PHTF2: variants seen among roughly 807,000 people sequenced by gnomAD.
PHTF2 encodes putative homeodomain transcription factor 2, also known as protein PHTF2.
Under a neutral mutation model 101.2 loss-of-function variants are expected in PHTF2, and 60 were observed. That is an observed-to-expected ratio of 0.59 (90% CI 0.48 to 0.73). The LOEUF (loss-of-function observed/expected upper bound fraction) is 0.73. Ranked by LOEUF, PHTF2 falls within the 30% of genes least tolerant of loss-of-function variation. The pLI, the probability that PHTF2 is intolerant of heterozygous loss-of-function variation, is 0.00. For synonymous variants in PHTF2, 311 were observed against 307.3 expected (o/e 1.01, Z -0.13); for missense variants, 747 against 908.7 (o/e 0.82, Z 2.29).
At chr7:77,855,157 A>G (rs951061773) in intron 3 of PHTF2, among the ~76,000 whole-genome samples, 2 of 151,860 alleles carry the variant, frequency 1.3e-5, no homozygotes, top group Non-Finnish European at 1.5e-5. Flanking sequence ...TGTATTCAAG[A>G]CCCAAGGGGT....
chr7:77,949,529 A>G (rs2150994056), intron 16 of PHTF2, 149 bp from the exon 16 acceptor site: 1 of 555,450 alleles, frequency 1.8e-6, no homozygotes. Flanking sequence ...TATACTCTAT[A>G]CTTTTGATAT....
intron 3 of PHTF2, among the ~76,000 whole-genome samples, chr7:77,865,213 C>T (rs1016462134): frequency 2.6e-5 from 4 of 151,692 alleles, no homozygotes; most frequent in Admixed American, 6.6e-5. Context: ...CAATAATTAC[C>T]TGGGAATCTC....
chr7:77,886,972 G>A (rs913267157), intron 3 of PHTF2, among the ~76,000 whole-genome samples: 5 of 151,724 alleles, frequency 3.3e-5, no homozygotes, highest in African/African-American at 1.2e-4. Flanking sequence ...ATTGAGCCTG[G>A]GAGATCAAGG....
intron 3 of PHTF2, among the ~76,000 whole-genome samples, chr7:77,863,217 A>G (rs1250329158): frequency 6.6e-6 from 1 of 152,176 alleles, no homozygotes; most frequent in Non-Finnish European, 1.5e-5. Context: ...AATTACAAAG[A>G]GTTCTGGTTT....
intron 3 of PHTF2, among the ~76,000 whole-genome samples, chr7:77,889,408 T>C (rs1480105841): frequency 2.6e-5 from 4 of 152,166 alleles, no homozygotes; most frequent in Non-Finnish European, 5.9e-5. Flanking sequence ...TCTGAATTCA[T>C]ATGTAAGGGT....
intron 5 of PHTF2, chr7:77,895,885 G>A (rs1800826949): frequency 1.3e-5 from 2 of 152,106 alleles, no homozygotes; most frequent in Admixed American, 1.3e-4. Flanking sequence ...CTTTTGGTAG[G>A]TCTGAAGGTA....
intron 6 of PHTF2, among the ~76,000 whole-genome samples, chr7:77,901,181 GCC>G: frequency 6.6e-6 from 1 of 152,326 alleles, no homozygotes; most frequent in East Asian, 1.9e-4. Flanking sequence ...CTCCCATGAG[GCC>G]CTGCCTCCAG....
At chr7:77,921,446 A>G (rs1006188130) in intron 10 of PHTF2, among the ~76,000 whole-genome samples, 14 of 152,208 alleles carry the variant, frequency 9.2e-5, no homozygotes, top group Non-Finnish European at 1.9e-4. Flanking sequence ...CCTCTCTTAC[A>G]TTTGGGAATG....
Position 77,953,947 on chromosome 7 carries a change from G to A in PHTF2, c.2337+53G>A. The A allele has an allele frequency of 2.5e-6, 4 of 1,572,232 alleles. No homozygotes were observed. In the South Asian group the frequency reaches 4.5e-5, roughly 18 times the overall value. On this transcript the variant is annotated intron_variant, in intron 19 of 19. Transcript: ENST00000416283. ...CTTAGTTTCCTGTTGCATTTTTGTT[G>A]CGCCCATTTTACCCTCACATGCACA...
At chr7:77,893,837 GT>G (rs1405362589) in intron 4 of PHTF2, 144 bp from the exon 4 acceptor site, 3 of 703,066 alleles carry the variant, frequency 4.3e-6, no homozygotes, top group Middle Eastern at 2.6e-4. Context: ...CCTGATGTTG[GT>G]TTTTTCTTTT....
chr7:77,916,305 G>A (rs1802921263), intron 9 of PHTF2, among the ~76,000 whole-genome samples: 1 of 152,064 alleles, frequency 6.6e-6, no homozygotes, highest in Admixed American at 6.5e-5. Context: ...CAAGGCAACA[G>A]GAGGAATTAT....
At chr7:77,877,855 G>A (rs145202213) in intron 3 of PHTF2, among the ~76,000 whole-genome samples, 43 of 152,232 alleles carry the variant, frequency 2.8e-4, no homozygotes, top group African/African-American at 9.9e-4. Context: ...TGTCTCAGCC[G>A]TCTGTCTCTG....
rs386410516 is a variant in PHTF2, at chr7:77,927,177, AATAT to A, written c.1120-1916_1120-1913del. On this transcript the variant is annotated intron_variant, in intron 11 of 19. Transcript: ENST00000416283. Reference sequence around the variant, plus strand: ...CATCTCAAAAAAAAAAAAAAAAAAAAATATATATATATATATATACATACACACA... The same window carrying A: ...CATCTCAAAAAAAAAAAAAAAAAAAAATATATATATATATACATACACACA... Among the ~76,000 whole-genome samples, 222 of 78,132 alleles carry A rather than the reference AATAT, an allele frequency of 2.8e-3. 4 individuals carry two copies. The highest frequency in any genetic ancestry group is 8.8e-3 in the Middle Eastern group (1 of 114). The allele number at this position is 78,132 out of a possible 152,430, so 51.3% of individuals were successfully genotyped here.
rs1806558800 is a variant in PHTF2, at chr7:77,951,683, GT to G, written c.2186del (p.Leu729Ter). On this transcript the variant is annotated frameshift_variant, in exon 18 of 20. Transcript: ENST00000416283. LOFTEE classifies it high-confidence loss of function. ...GGAGGAACTGACACTAGTGAATAAT[GT>G]TTTAAAACTGGCTACTAAACTGCTA... The G allele has an allele frequency of 1.4e-6, 2 of 1,469,472 alleles. No homozygotes were observed. The highest frequency in any genetic ancestry group is 2.2e-5 in the Admixed American group (1 of 45,198). The allele number at this position is 1,469,472 out of a possible 1,614,324, so 91.0% of individuals were successfully genotyped here.
At chr7:77,834,917 A>G (rs1221172586) in intron 1 of PHTF2, among the ~76,000 whole-genome samples, 1 of 152,224 alleles carries the variant, frequency 6.6e-6, no homozygotes, top group Admixed American at 6.5e-5. Flanking sequence ...TATTTAAATT[A>G]CAGATTTTTG....
At chr7:77,923,728 A>G (rs879077474) in intron 11 of PHTF2, 2 of 985,216 alleles carry the variant, frequency 2.0e-6, no homozygotes, top group South Asian at 4.7e-5. Flanking sequence ...TACTGTATGT[A>G]CTGTTAGAAG....
chr7:77,918,709 G>A (rs1293642048), intron 9 of PHTF2, among the ~76,000 whole-genome samples: 3 of 151,940 alleles, frequency 2.0e-5, no homozygotes, highest in African/African-American at 2.4e-5. Flanking sequence ...TCTATTTTTT[G>A]CCCATTTTCC....
intron 18 of PHTF2, among the ~76,000 whole-genome samples, chr7:77,952,198 TG>T (rs1014062669): frequency 3.9e-5 from 6 of 152,182 alleles, no homozygotes; most frequent in African/African-American, 1.4e-4. Flanking sequence ...AGTAACTCTT[TG>T]GGGGTAATTT....
At chr7:77,906,560 T>C (rs1361571524) in intron 7 of PHTF2, 3 of 152,232 alleles carry the variant, frequency 2.0e-5, no homozygotes, top group South Asian at 4.1e-4. Context: ...AGCCCTAGGA[T>C]TACAGAGAAT....
Sources: allele counts gnomAD v4.1 joint callset (sites outside exome capture counted in the v4.1 genomes callset), GRCh38; gene constraint gnomAD v4.1.1; transcripts MANE v1.5; gene names NCBI Gene and HGNC (gene_info 2026-07-23, HGNC 2026-07-21).